The following TESC variants were observed in gnomAD, a reference collection of about 807,000 sequenced individuals.
TESC encodes tescalcin, also known as calcineurin B homologous protein 3.
TESC carries 19 observed loss-of-function variants against 31.0 expected under a neutral mutation model. That is an observed-to-expected ratio of 0.61 (90% confidence interval 0.43 to 0.90). TESC has a LOEUF of 0.90. Among genes scored for constraint, TESC ranks in the 40% least tolerant of loss-of-function variants. The pLI, the probability that TESC is intolerant of heterozygous loss-of-function variation, is 0.00. For missense variants in TESC, 248 were observed against 303.8 expected (o/e 0.82, Z 1.36); for synonymous variants, 109 against 114.8 (o/e 0.95, Z 0.32).
chr12:117,057,986 G>A (rs1178199773), intron 2 of TESC, among the ~76,000 whole-genome samples: 6 of 152,296 alleles, frequency 3.9e-5, no homozygotes, highest in African/African-American at 7.2e-5. Flanking sequence ...GTGGGAGGCC[G>A]AGGCAGGCGG....
intron 2 of TESC, among the ~76,000 whole-genome samples, chr12:117,065,595 G>C (rs753425498): frequency 7.9e-5 from 12 of 152,168 alleles, no homozygotes; most frequent in Non-Finnish European, 1.8e-4. Context: ...AGGACATACA[G>C]ATGTAGGAGC....
intron 2 of TESC, among the ~76,000 whole-genome samples, chr12:117,063,892 C>T (rs1024143262): frequency 6.6e-6 from 1 of 152,186 alleles, no homozygotes; most frequent in Non-Finnish European, 1.5e-5. Context: ...GGTTTCTGGG[C>T]CAGCAGCATC....
intron 2 of TESC, among the ~76,000 whole-genome samples, chr12:117,067,623 T>C (rs921360316): frequency 3.3e-5 from 5 of 152,108 alleles, no homozygotes; most frequent in South Asian, 2.1e-4. Flanking sequence ...CAAAGCAAAG[T>C]GACTGGGTTA....
chr12:117,044,723 C>G (rs936209537), intron 6 of TESC, among the ~76,000 whole-genome samples: 1 of 152,180 alleles, frequency 6.6e-6, no homozygotes, highest in African/African-American at 2.4e-5. Context: ...ATGGTGAAAC[C>G]CCGTCTCTGC....
intron 1 of TESC, among the ~76,000 whole-genome samples, chr12:117,094,456 G>A (rs1955364090): frequency 6.6e-6 from 1 of 152,118 alleles, no homozygotes; most frequent in Non-Finnish European, 1.5e-5. Flanking sequence ...CCTTTAACGT[G>A]AGCCTCTTAT....
chr12:117,039,865 G>A (rs1273890910), intron 7 of TESC, among the ~76,000 whole-genome samples: 1 of 152,252 alleles, frequency 6.6e-6, no homozygotes, highest in Non-Finnish European at 1.5e-5. Flanking sequence ...CCAGAACCTT[G>A]GAGTGGGCCT....
At position 117,075,937 on chromosome 12, in the gene TESC, A is replaced by ATATATATATATATATG. The variant is rs767382093; in HGVS notation, c.59-598_59-597insCATATATATATATATA. The stretch of plus-strand genomic sequence containing the variant: ...TATGTGTGTGTGTATATATATATAT[A>ATATATATATATATATG]TATGTATATATACATATATATATAT... On this transcript the variant is annotated intron_variant, in intron 1 of 7. Coordinates refer to ENST00000335209, the MANE Select transcript of TESC (RefSeq NM_017899.4). 3.0e-5 allele frequency among the ~76,000 whole-genome samples: 3 copies of ATATATATATATATATG among 99,386 alleles called. No homozygotes were observed. The East Asian group carries it at 7.2e-4, about 24-fold the overall frequency. 65.2% of individuals were successfully genotyped at this position (99,386 alleles called of 152,430 possible). A position where few individuals can be genotyped will look rare whatever the true frequency, so the allele number is the denominator to read the frequency against.
intron 1 of TESC, among the ~76,000 whole-genome samples, chr12:117,097,543 G>A (rs1955411691): frequency 6.6e-6 from 1 of 152,196 alleles, no homozygotes; most frequent in African/African-American, 2.4e-5. Flanking sequence ...GAGGCGAGGA[G>A]AGGGCACATG....
chr12:117,099,402 G>T lies in TESC; in HGVS notation c.-120C>A, dbSNP rs1051175429. The T allele has an allele frequency of 1.8e-5, 18 of 1,022,544 alleles. No individual in the cohort carries two copies. The highest frequency in any genetic ancestry group is 2.0e-5 in the Non-Finnish European group (16 of 789,342). The allele number at this position is 1,022,544 out of a possible 1,614,324, so 63.3% of individuals were successfully genotyped here. Reference sequence around the variant, plus strand: ...CGGGTCGGGACGCCGGCGAAGGCTCGGAGCCGCGGGTTCCGCGTGGGGCCG... The same window carrying T: ...CGGGTCGGGACGCCGGCGAAGGCTCTGAGCCGCGGGTTCCGCGTGGGGCCG... On this transcript the variant is annotated 5_prime_UTR_variant, in exon 1 of 8. Coordinates refer to ENST00000335209, the MANE Select transcript of TESC (RefSeq NM_017899.4).
At chr12:117,093,344 C>T (rs1276224844) in intron 1 of TESC, among the ~76,000 whole-genome samples, 1 of 152,248 alleles carries the variant, frequency 6.6e-6, no homozygotes, top group Non-Finnish European at 1.5e-5. Context: ...CCACCAGCCA[C>T]GCTTGGCTAC....
chr12:117,043,189 T>A (rs992380466), intron 6 of TESC, among the ~76,000 whole-genome samples: 2 of 151,870 alleles, frequency 1.3e-5, no homozygotes, highest in African/African-American at 4.8e-5. Flanking sequence ...GGAAGCCACA[T>A]CGGTTCGATT....
intron 1 of TESC, among the ~76,000 whole-genome samples, chr12:117,080,515 T>C (rs537398248): frequency 7.2e-5 from 11 of 152,286 alleles, no homozygotes; most frequent in South Asian, 2.1e-4. Context: ...TCCTGCCTGA[T>C]TGAAAGCAAA....
intron 7 of TESC, among the ~76,000 whole-genome samples, chr12:117,040,921 TCTCTC>T (rs1210718820): frequency 1.3e-5 from 2 of 151,622 alleles, no homozygotes; most frequent in African/African-American, 4.9e-5. Context: ...TCCCTAATCC[TCTCTC>T]CTCTCTTGGT....
intron 4 of TESC, chr12:117,048,680 C>T (rs1252370786): frequency 2.0e-6 from 1 of 494,610 alleles, no homozygotes; most frequent in Non-Finnish European, 4.0e-6. Context: ...GATCGGCATA[C>T]CCACGTTCTG....
At position 117,049,134 on chromosome 12, in the gene TESC, G is replaced by A. The variant is rs1325258539; in HGVS notation, c.234C>T (p.Gly78=). The change falls in exon 4 of 8, where the codon GGC becomes GGT. Residue 78 remains glycine, a synonymous_variant. Transcript: ENST00000335209. ...CCTCGAAATTGATCTCATCAGCCAG[G>A]CCACTGGGTCCCTTGCGCAGGTTCC... The part of the protein sequence containing the change: ...DNRNLRKGPS[G]LADEINFEDF... The A allele has an allele frequency of 1.2e-6, 2 of 1,614,264 alleles. No individual in the cohort carries two copies. The highest frequency in any genetic ancestry group is 8.5e-7 in the Non-Finnish European group (1 of 1,180,046).
intron 6 of TESC, among the ~76,000 whole-genome samples, chr12:117,042,458 C>T (rs73403270): frequency 0.072 from 11,030 of 152,260 alleles, 1,044 homozygotes; most frequent in African/African-American, 0.22. Flanking sequence ...TAAGAAGATT[C>T]CAGGCTAATC....
At chr12:117,048,256 G>A (rs963616497) in intron 4 of TESC, among the ~76,000 whole-genome samples, 2 of 152,182 alleles carry the variant, frequency 1.3e-5, no homozygotes, top group African/African-American at 4.8e-5. Flanking sequence ...CCTGTTCCAC[G>A]CCCCTTGGAG....
chr12:117,057,031 A>C, intron 2 of TESC, 145 bp from the exon 3 acceptor site: 1 of 750,538 alleles, frequency 1.3e-6, no homozygotes, highest in East Asian at 2.7e-5. Context: ...ACAGAACTGG[A>C]ATACGCTTCA....
Position 117,048,838 on chromosome 12 carries a change from G to A in TESC, c.349+181C>T. On this transcript the variant is annotated intron_variant, in intron 4 of 7. Coordinates refer to ENST00000335209, the MANE Select transcript of TESC (RefSeq NM_017899.4). ...GCTGAGGAATGTTTAGGATGAAGGT[G>A]CCGGGAACGGGAGACAGCAATGCCA... 3 of 927,782 alleles carry A rather than the reference G, an allele frequency of 3.2e-6. No individual in the cohort carries two copies. The African/African-American group carries it at 4.9e-5, about 15-fold the overall frequency. The allele number at this position is 927,782 out of a possible 1,614,324, so 57.5% of individuals were successfully genotyped here.
Sources: allele counts gnomAD v4.1 joint callset (sites outside exome capture counted in the v4.1 genomes callset), GRCh38; gene constraint gnomAD v4.1.1; transcripts MANE v1.5; gene names NCBI Gene and HGNC (gene_info 2026-07-23, HGNC 2026-07-21).